The following SMC3 variants were observed in gnomAD, a reference collection of about 807,000 sequenced individuals.
The protein encoded by SMC3 is structural maintenance of chromosomes protein 3.
A neutral mutation model predicts 171.8 loss-of-function variants in SMC3; 20 were observed. That is an observed-to-expected ratio of 0.12 (90% CI 0.08 to 0.17). The LOEUF is 0.17. SMC3 is among the 10% of genes least tolerant of loss of function. SMC3 has a pLI of 1.00. For synonymous variants in SMC3, 464 were observed against 451.1 expected, an observed-to-expected ratio of 1.03 and a Z score of -0.36; for missense variants, 543 against 1,420.4, an observed-to-expected ratio of 0.38 and a Z score of 9.93.
chr10:110,580,890 T>C lies in SMC3; in HGVS notation c.430-14T>C. On this transcript the variant is annotated splice_polypyrimidine_tract_variant and intron_variant, in intron 7 of 28. Transcript: ENST00000361804. The stretch of plus-strand genomic sequence containing the variant: ...GCTACAGCTATGTAATGATTATTTT[T>C]CTAAAAATTTTAGATCAACCAGATG... 7.1e-7 allele frequency: 1 copy of C among 1,401,000 alleles called. No individual in the cohort carries two copies. Among genetic ancestry groups the C allele is most frequent in the African/African-American group, 1.4e-5 (1 of 70,928 alleles). 86.8% of individuals were successfully genotyped at this position (1,401,000 alleles called of 1,614,324 possible).
At chr10:110,596,358 A>G in intron 18 of SMC3, 40 bp from the exon 19 acceptor site, 1 of 1,552,800 alleles carries the variant, frequency 6.4e-7, no homozygotes, top group Non-Finnish European at 8.7e-7. Flanking sequence ...TCATTGAATA[A>G]AAAAGTTGTA....
chr10:110,599,530 G>A, intron 20 of SMC3, 124 bp from the exon 21 acceptor site: 2 of 774,650 alleles, frequency 2.6e-6, no homozygotes, highest in Non-Finnish European at 4.1e-6. Context: ...AAATTAATAG[G>A]CACCTAATAT....
chr10:110,570,526 A>G (rs1235795419), intron 2 of SMC3, among the ~76,000 whole-genome samples: 2 of 152,178 alleles, frequency 1.3e-5, no homozygotes, highest in Admixed American at 6.5e-5. Context: ...TTGCTTACAT[A>G]TAAGTACTTT....
At chr10:110,592,869 T>G (rs1362244281) in intron 17 of SMC3, among the ~76,000 whole-genome samples, 5 of 152,240 alleles carry the variant, frequency 3.3e-5, no homozygotes, top group Non-Finnish European at 7.3e-5. Flanking sequence ...TAGGCTCTAC[T>G]ATTGAAAACC....
At chr10:110,570,916 G>A (rs1269647591) in intron 2 of SMC3, among the ~76,000 whole-genome samples, 1 of 152,172 alleles carries the variant, frequency 6.6e-6, no homozygotes, top group Non-Finnish European at 1.5e-5. Flanking sequence ...AAGTAGTTAG[G>A]TACTGAGATT....
intron 13 of SMC3, 88 bp from the exon 14 acceptor site, chr10:110,589,517 C>T (rs2134735502): frequency 1.2e-6 from 1 of 838,084 alleles, no homozygotes; most frequent in African/African-American, 1.7e-5. Context: ...GTCCGCCTCC[C>T]CCATCCATCT....
chr10:110,600,622 GCT>G (rs1440467897), intron 22 of SMC3, 76 bp downstream of exon 22: 22 of 804,536 alleles, frequency 2.7e-5, no homozygotes, highest in Middle Eastern at 4.6e-4. Context: ...TATATCAGAG[GCT>G]CTGATTGAAA....
intron 18 of SMC3, among the ~76,000 whole-genome samples, chr10:110,595,800 A>G (rs542964810): frequency 1.3e-5 from 2 of 151,788 alleles, no homozygotes; most frequent in African/African-American, 4.8e-5. Context: ...TTGATGCTCA[A>G]ATTTTCCCAA....
In SMC3 at chr10:110,591,010, G is replaced by A; in HGVS notation, c.1690G>A (p.Asp564Asn). ...AGNRLFYHIVDSDEVSTKILM... is the reference protein window; with the variant it reads ...AGNRLFYHIVNSDEVSTKILM... Reference sequence around the variant, plus strand: ...ATTTAGGTTATTTTATCACATTGTTGATTCAGATGAAGTCAGCACGAAGAT... The same window carrying A: ...ATTTAGGTTATTTTATCACATTGTTAATTCAGATGAAGTCAGCACGAAGAT... Residue 564 changes from aspartate to asparagine, a missense_variant, in exon 17 of 29, where the codon GAT becomes AAT. Physicochemically the swap from Asp to Asn is conservative, Grantham distance 23 (BLOSUM62 1). Coordinates refer to ENST00000361804, the MANE Select transcript of SMC3 (RefSeq NM_005445.4). The A allele has an allele frequency of 6.2e-7, 1 of 1,612,924 alleles. No homozygotes were observed. The highest frequency in any genetic ancestry group is 8.5e-7 in the Non-Finnish European group (1 of 1,179,036).
At chr10:110,599,598 C>T in intron 20 of SMC3, 56 bp from the exon 21 acceptor site, 1 of 1,490,162 alleles carries the variant, frequency 6.7e-7, no homozygotes, top group Non-Finnish European at 9.2e-7. Context: ...TTAAAATTTT[C>T]ACTATAAGTA....
Position 110,589,872 on chromosome 10 carries a change from G to A in SMC3, c.1410-20G>A, listed in dbSNP as rs772063912. 6 of 1,606,524 alleles carry A rather than the reference G, an allele frequency of 3.7e-6. No homozygotes were observed. The African/African-American group carries it at 6.7e-5, about 18-fold the overall frequency. ...TCATATGTGTTTAAAATTAAAGACA[G>A]TCTACTTTTTATTTATTAGCTACTT... On this transcript the variant is annotated intron_variant, in intron 14 of 28. Transcript: ENST00000361804.
At chr10:110,582,973 A>C (rs1861055281) in intron 10 of SMC3, among the ~76,000 whole-genome samples, 1 of 138,316 alleles carries the variant, frequency 7.2e-6, no homozygotes, top group African/African-American at 2.8e-5. Context: ...ACTCCATTGC[A>C]CAGGCTGGAG....
intron 19 of SMC3, among the ~76,000 whole-genome samples, chr10:110,597,706 T>C (rs1861322061): frequency 6.6e-6 from 1 of 152,246 alleles, no homozygotes; most frequent in African/African-American, 2.4e-5. Context: ...TGTCTTCCTG[T>C]GTTTGATAAT....
chr10:110,577,019 T>C (rs1860960918), intron 4 of SMC3, among the ~76,000 whole-genome samples: 1 of 152,316 alleles, frequency 6.6e-6, no homozygotes, highest in East Asian at 1.9e-4. Context: ...GTATTAGATA[T>C]TAGCAAATAG....
At chr10:110,586,031 T>C (rs1464374235) in intron 13 of SMC3, among the ~76,000 whole-genome samples, 1 of 151,882 alleles carries the variant, frequency 6.6e-6, no homozygotes, top group Non-Finnish European at 1.5e-5. Context: ...CTCTTGACCT[T>C]GTGACCTGCC....
rs762934095 is a variant in SMC3 at position 110,598,203 on chromosome 10, A to G, written c.2181A>G (p.Lys727=). The change falls in exon 20 of 29, where the codon AAA becomes AAG. Residue 727 remains lysine (K), a synonymous_variant. Coordinates refer to ENST00000361804, the MANE Select transcript of SMC3 (RefSeq NM_005445.4). The stretch of plus-strand genomic sequence containing the variant: ...AACAGATCGAGACCCAGCAAAGGAA[A>G]TTTAAAGCATCTAGAGATAGCATAT... ...QMQQIETQQR[K]FKASRDSILS... 1.2e-6 allele frequency: 2 copies of G among 1,614,048 alleles called. No individual in the cohort carries two copies. Among genetic ancestry groups the G allele is most frequent in the Non-Finnish European group, 1.7e-6 (2 of 1,179,960 alleles).
rs775650536 is a variant in SMC3 at position 110,603,001 on chromosome 10, A to C, written c.3474A>C (p.Ser1158=). 1 of 1,614,130 alleles carries C rather than the reference A, an allele frequency of 6.2e-7. No individual in the cohort carries two copies. Among genetic ancestry groups the C allele is most frequent in the Non-Finnish European group, 8.5e-7 (1 of 1,179,946 alleles). The change falls in exon 27 of 29, where the codon TCA becomes TCC. Residue 1158 remains serine (S), a splice_region_variant and synonymous_variant. Coordinates refer to ENST00000361804, the MANE Select transcript of SMC3 (RefSeq NM_005445.4). ...ATGCTCAGCACAGAAAGGCTGTGTC[A>C]GGTACAGTTTCAGTACAGTTTTGGT... The part of the protein sequence containing the change: ...ALDAQHRKAV[S]DMIMELAVHA...
At chr10:110,595,383 T>A (rs1861282956) in intron 18 of SMC3, among the ~76,000 whole-genome samples, 1 of 152,176 alleles carries the variant, frequency 6.6e-6, no homozygotes, top group African/African-American at 2.4e-5. Context: ...TCCTCATCAT[T>A]GTTTAAATAT....
At chr10:110,579,033 T>G (rs972547845) in intron 7 of SMC3, among the ~76,000 whole-genome samples, 1 of 152,218 alleles carries the variant, frequency 6.6e-6, no homozygotes, top group African/African-American at 2.4e-5. Context: ...AAATTAATAT[T>G]TTGTGTTACC....
Sources: allele counts gnomAD v4.1 joint callset (sites outside exome capture counted in the v4.1 genomes callset), GRCh38; gene constraint gnomAD v4.1.1; transcripts MANE v1.5; gene names NCBI Gene and HGNC (gene_info 2026-07-23, HGNC 2026-07-21).